Variants in MLLT3 observed in about 807,000 individuals in gnomAD.
MLLT3 encodes MLLT3 super elongation complex subunit.
In MLLT3, 4 loss-of-function variants were observed where a neutral mutation model predicts 53.2. The observed-to-expected ratio is 0.08, with a 90% CI of 0.04 to 0.17. The LOEUF (loss-of-function observed/expected upper bound fraction) is 0.17. Among genes scored for constraint, MLLT3 ranks in the 10% least tolerant of loss-of-function variants. The pLI is 1.00. For synonymous variants in MLLT3, 283 were observed against 230.6 expected (o/e 1.23, Z -2.06); for missense variants, 569 against 684.0 (o/e 0.83, Z 1.87).
chr9:20,454,662 G>A (rs531703691), intron 3 of MLLT3, among the ~76,000 whole-genome samples: 2 of 152,188 alleles, frequency 1.3e-5, no homozygotes, highest in African/African-American at 2.4e-5. Flanking sequence ...GGTGTAGCCC[G>A]ATCCCTAGAT....
intron 7 of MLLT3, chr9:20,362,748 A>G (rs1418678626): frequency 7.6e-6 from 1 of 131,426 alleles, no homozygotes; most frequent in African/African-American, 3.3e-5. Context: ...GGTCTTCTAC[A>G]TAGTAATGGA....
chr9:20,446,255 G>A (rs1286464052), intron 4 of MLLT3, among the ~76,000 whole-genome samples: 3 of 152,118 alleles, frequency 2.0e-5, no homozygotes, highest in Non-Finnish European at 4.4e-5. Context: ...TTTTAGAGTT[G>A]TCAAGACACA....
At chr9:20,577,712 G>A (rs1043578264) in intron 2 of MLLT3, among the ~76,000 whole-genome samples, 2 of 152,208 alleles carry the variant, frequency 1.3e-5, no homozygotes, top group Admixed American at 6.5e-5. Flanking sequence ...GCACTGTGGG[G>A]TGGGGCTGTG....
chr9:20,549,279 C>CA (rs565987218), intron 2 of MLLT3, among the ~76,000 whole-genome samples: 1 of 152,144 alleles, frequency 6.6e-6, no homozygotes, highest in Non-Finnish European at 1.5e-5. Context: ...TGAGCCAAAA[C>CA]ACTGGACACA....
At chr9:20,484,432 G>A (rs551234128) in intron 2 of MLLT3, among the ~76,000 whole-genome samples, 2 of 152,118 alleles carry the variant, frequency 1.3e-5, no homozygotes, top group South Asian at 2.1e-4. Flanking sequence ...GCTATCTATC[G>A]CCTAATTTTT....
At chr9:20,406,578 G>A (rs569373975) in intron 5 of MLLT3, among the ~76,000 whole-genome samples, 13 of 152,174 alleles carry the variant, frequency 8.5e-5, no homozygotes, top group African/African-American at 2.7e-4. Context: ...AACCAGTACC[G>A]TGATTCTAAG....
chr9:20,473,311 A>G (rs1003681675), intron 2 of MLLT3, among the ~76,000 whole-genome samples: 2 of 152,120 alleles, frequency 1.3e-5, no homozygotes, highest in African/African-American at 4.8e-5. Context: ...CACTTTTTTA[A>G]AGGAGCATGA....
intron 5 of MLLT3, among the ~76,000 whole-genome samples, chr9:20,392,457 T>G (rs1169891000): frequency 6.6e-6 from 1 of 152,128 alleles, no homozygotes; most frequent in East Asian, 1.9e-4. Flanking sequence ...TCTACTAAAA[T>G]CCCCAAGATC....
At chr9:20,378,129 T>G (rs573831915) in intron 5 of MLLT3, among the ~76,000 whole-genome samples, 2 of 142,976 alleles carry the variant, frequency 1.4e-5, no homozygotes, top group Admixed American at 1.4e-4. Flanking sequence ...ACTTTTAAAT[T>G]TTCAATTTTT....
intron 2 of MLLT3, among the ~76,000 whole-genome samples, chr9:20,550,040 T>C (rs944284157): frequency 1.3e-5 from 2 of 152,194 alleles, no homozygotes; most frequent in African/African-American, 2.4e-5. Flanking sequence ...TTGCTTCTAA[T>C]ATCATGAACT....
At chr9:20,595,906 C>A (rs1820249545) in intron 2 of MLLT3, among the ~76,000 whole-genome samples, 1 of 152,212 alleles carries the variant, frequency 6.6e-6, no homozygotes, top group Non-Finnish European at 1.5e-5. Context: ...ACGGCAGCCA[C>A]TAGCTACCCA....
rs1822804892 is a variant in MLLT3, at chr9:20,414,230, T to G, written c.616A>C (p.Lys206Gln). The change falls in exon 5 of 11, where the codon AAA (lysine) becomes CAA (glutamine). Residue 206 changes from lysine to glutamine, a missense_variant. Lys to Gln is a moderately conservative substitution (Grantham distance 53). Transcript: ENST00000380338. ...PHKLMKEHKE[K>Q]PSKDSREHKS... ...TGTTCTCTGGAGTCTTTAGAAGGTT[T>G]TTCCTTGTGCTCCTTCATTAATTTG... The G allele has an allele frequency of 6.2e-7, 1 of 1,614,130 alleles. No individual in the cohort carries two copies. The highest frequency in any genetic ancestry group is 1.3e-5 in the African/African-American group (1 of 75,056).
intron 5 of MLLT3, among the ~76,000 whole-genome samples, chr9:20,405,143 T>C (rs1233132334): frequency 6.6e-6 from 1 of 152,094 alleles, no homozygotes; most frequent in Non-Finnish European, 1.5e-5. Flanking sequence ...TAGGGAAAAG[T>C]TCCCTCAGAT....
intron 2 of MLLT3, among the ~76,000 whole-genome samples, chr9:20,602,555 C>G (rs1281106107): frequency 6.6e-6 from 1 of 152,046 alleles, no homozygotes; most frequent in Admixed American, 6.6e-5. Context: ...ACACCTAACC[C>G]ATATAGTACA....
intron 5 of MLLT3, among the ~76,000 whole-genome samples, chr9:20,380,530 A>G (rs1313820045): frequency 6.6e-6 from 1 of 152,054 alleles, no homozygotes; most frequent in Non-Finnish European, 1.5e-5. Context: ...ATTCAGTTCT[A>G]CAAACCTTAC....
In MLLT3 at chr9:20,367,495, C is replaced by G. The variant is rs2118658029; in HGVS notation, c.1126-1751G>C. On this transcript the variant is annotated intron_variant, in intron 5 of 10. Coordinates refer to ENST00000380338, the MANE Select transcript of MLLT3 (RefSeq NM_004529.4). ...ACGGTACATTAGGCCCTGCGTTCCA[C>G]CTTCTGCCACAGTTTTTTTGAAAGA... 1.3e-5 allele frequency among the ~76,000 whole-genome samples: 2 copies of G among 152,298 alleles called. 1 individual carries two copies. The highest frequency in any genetic ancestry group is 4.1e-4 in the South Asian group (2 of 4,826).
At chr9:20,504,046 A>G (rs1335857666) in intron 2 of MLLT3, among the ~76,000 whole-genome samples, 2 of 152,158 alleles carry the variant, frequency 1.3e-5, no homozygotes, top group African/African-American at 4.8e-5. Flanking sequence ...GAAAAGATGA[A>G]GATAGATTTT....
rs1348052733 is a variant in MLLT3, at chr9:20,549,383, A to G, written c.193+71271T>C. ...TGTTACCAACCCAGCATGGTTTATA[A>G]CAACAACAACGACTAACTCAAATAG... On this transcript the variant is annotated intron_variant, in intron 2 of 10. Transcript: ENST00000380338. 2.0e-5 allele frequency among the ~76,000 whole-genome samples: 3 copies of G among 152,318 alleles called. No homozygotes were observed. In the East Asian group the frequency reaches 5.8e-4, roughly 29 times the overall value.
intron 2 of MLLT3, among the ~76,000 whole-genome samples, chr9:20,566,000 T>A (rs1046311034): frequency 7.5e-4 from 98 of 131,476 alleles, no homozygotes; most frequent in Non-Finnish European, 1.2e-3. Context: ...ATATATTTAT[T>A]TATATATATA....
Sources: gnomAD v4.1 joint callset for allele counts (sites outside exome capture counted in the v4.1 genomes callset) on GRCh38, gnomAD v4.1.1 for gene constraint, MANE v1.5 for transcripts, NCBI Gene and HGNC (gene_info 2026-07-23, HGNC 2026-07-21) for gene names.